The following PCDH15 variants were observed in gnomAD, a reference collection of about 807,000 sequenced individuals.
The protein encoded by PCDH15 is protocadherin related 15.
PCDH15 carries 129 observed loss-of-function variants against 178.5 expected under a neutral mutation model. The ratio of observed to expected loss-of-function variants is 0.72; its 90% CI spans 0.63 to 0.84. The LOEUF (loss-of-function observed/expected upper bound fraction) is 0.84. Ranked by LOEUF, PCDH15 falls within the 40% of genes least tolerant of loss-of-function variation. The pLI is 0.00. For synonymous variants in PCDH15, 800 were observed against 732.0 expected (o/e 1.09, Z -1.50); for missense variants, 2,230 against 2,099.9 (o/e 1.06, Z -1.21).
intron 1 of PCDH15, among the ~76,000 whole-genome samples, chr10:55,196,493 C>CT (rs1172378305): frequency 6.6e-6 from 1 of 151,866 alleles, no homozygotes; most frequent in Non-Finnish European, 1.5e-5. Context: ...AGTTCATGGC[C>CT]TAATGAATTC....
chr10:54,191,423 G>A (rs2048977400), intron 11 of PCDH15, among the ~76,000 whole-genome samples: 1 of 152,124 alleles, frequency 6.6e-6, no homozygotes, highest in Non-Finnish European at 1.5e-5. Flanking sequence ...AGATTTCAAA[G>A]CCTAGAACAT....
At position 54,995,322 on chromosome 10, in the gene PCDH15, G is replaced by A. The variant is rs528344328; in HGVS notation, c.-79-97822C>T. ...ACCCGGGAGTCGGAGTTTGCAGTGA[G>A]TAGAGATCGCATCACTGCACTCCAG... On this transcript the variant is annotated intron_variant, in intron 2 of 5. Coordinates refer to the PCDH15 transcript ENST00000458638. 3.8e-4 allele frequency among the ~76,000 whole-genome samples: 56 copies of A among 147,814 alleles called. 1 individual carries two copies. The highest frequency in any genetic ancestry group is 3.7e-3 in the Admixed American group (54 of 14,478).
At position 55,187,402 on chromosome 10, in the gene PCDH15, T is replaced by C. The variant is rs566634848; in HGVS notation, c.-155-20751A>G. ...AGCTCTCTTAGGAGTTGTATTCGAA[T>C]GTAAACTTTAAAAAGGTGAAAGTGT... On this transcript the variant is annotated intron_variant, in intron 1 of 5. Transcript: ENST00000458638. Among the ~76,000 whole-genome samples the C allele has an allele frequency of 1.1e-4, 17 of 152,124 alleles. No homozygotes were observed. In the South Asian group the frequency reaches 3.5e-3, roughly 31 times the overall value.
At chr10:55,223,402 T>C (rs1840939684) in intron 1 of PCDH15, among the ~76,000 whole-genome samples, 1 of 152,146 alleles carries the variant, frequency 6.6e-6, no homozygotes, top group African/African-American at 2.4e-5. Context: ...TGGTAATTAT[T>C]TTGGTTTGTT....
intron 2 of PCDH15, among the ~76,000 whole-genome samples, chr10:55,108,210 C>T (rs887916292): frequency 5.9e-5 from 9 of 152,238 alleles, no homozygotes; most frequent in Admixed American, 4.6e-4. Context: ...GTTGGTTAGG[C>T]TGCCCAGTCT....
intron 13 of PCDH15, among the ~76,000 whole-genome samples, chr10:54,172,762 A>C (rs1388501784): frequency 6.6e-6 from 1 of 152,184 alleles, no homozygotes; most frequent in Non-Finnish European, 1.5e-5. Context: ...TACACAATTT[A>C]CATGATTGTA....
intron 3 of PCDH15, among the ~76,000 whole-genome samples, chr10:54,517,400 G>A (rs1340432282): frequency 5.3e-5 from 8 of 152,182 alleles, no homozygotes; most frequent in African/African-American, 1.9e-4. Flanking sequence ...AAAACGGCAG[G>A]AGTTGCAATC....
At chr10:55,218,047 TCTTAG>T (rs1840758520) in intron 1 of PCDH15, among the ~76,000 whole-genome samples, 1 of 152,008 alleles carries the variant, frequency 6.6e-6, no homozygotes, top group Non-Finnish European at 1.5e-5. Flanking sequence ...CCTGACACTT[TCTTAG>T]CCATTGGGTT....
rs140597348 is a variant in PCDH15 at position 53,991,538 on chromosome 10, G to C, written c.2868+4111C>G. Reference sequence around the variant, plus strand: ...TCAAGGTTTGTAAACCCACCAATCAGTGCTCTGTGTCTAGCTCATCTAGTG... The same window carrying C: ...TCAAGGTTTGTAAACCCACCAATCACTGCTCTGTGTCTAGCTCATCTAGTG... On this transcript the variant is annotated intron_variant, in intron 21 of 37. Transcript: ENST00000644397. Among the ~76,000 whole-genome samples, 533 of 151,998 alleles carry C rather than the reference G, an allele frequency of 3.5e-3. 7 individuals are homozygous for C. Among genetic ancestry groups the C allele is most frequent in the African/African-American group, 0.013 (521 of 41,420 alleles).
chr10:54,374,540 A>T (rs554116606), intron 4 of PCDH15, among the ~76,000 whole-genome samples: 7 of 152,022 alleles, frequency 4.6e-5, no homozygotes, highest in Non-Finnish European at 1.0e-4. Flanking sequence ...ATCATTTAGC[A>T]TTTCAAAATT....
chr10:54,073,013 C>T lies in PCDH15; in HGVS notation c.2092-6128G>A, dbSNP rs149470955. Reference sequence around the variant, plus strand: ...AGATTACATCTATTCCCTACCTGTCCAAACACATATTTATACATTATTGTC... The same window carrying T: ...AGATTACATCTATTCCCTACCTGTCTAAACACATATTTATACATTATTGTC... On this transcript the variant is annotated intron_variant, in intron 17 of 37. Coordinates refer to ENST00000644397, the MANE Select transcript of PCDH15 (RefSeq NM_001384140.1). 2.0e-5 allele frequency among the ~76,000 whole-genome samples: 3 copies of T among 152,062 alleles called. No homozygotes were observed. The East Asian group carries it at 5.8e-4, about 29-fold the overall frequency.
At chr10:54,555,323 C>T (rs764252917) in intron 2 of PCDH15, among the ~76,000 whole-genome samples, 63 of 152,096 alleles carry the variant, frequency 4.1e-4, no homozygotes, top group Non-Finnish European at 8.2e-4. Context: ...TCTTTAACAT[C>T]GTTTGCTCAT....
At chr10:54,125,540 G>A (rs1287189916) in intron 15 of PCDH15, among the ~76,000 whole-genome samples, 1 of 152,192 alleles carries the variant, frequency 6.6e-6, no homozygotes, top group African/African-American at 2.4e-5. Flanking sequence ...TGAAGGGATT[G>A]TGGGCAAGTC....
At chr10:54,399,787 T>A (rs1951713389) in intron 3 of PCDH15, among the ~76,000 whole-genome samples, 2 of 152,114 alleles carry the variant, frequency 1.3e-5, no homozygotes, top group South Asian at 4.2e-4. Flanking sequence ...ACAGCAAAAG[T>A]TAGTGACCAG....
At chr10:54,153,737 T>C (rs888521200) in intron 13 of PCDH15, among the ~76,000 whole-genome samples, 2 of 152,164 alleles carry the variant, frequency 1.3e-5, no homozygotes, top group African/African-American at 4.8e-5. Flanking sequence ...CCAACCTTCC[T>C]TTTACTCTCA....
At chr10:54,482,354 T>A (rs1415286361) in intron 3 of PCDH15, among the ~76,000 whole-genome samples, 1 of 151,826 alleles carries the variant, frequency 6.6e-6, no homozygotes, top group African/African-American at 2.4e-5. Flanking sequence ...GAACAGATAT[T>A]ATATTCTGGA....
chr10:53,954,086 G>A (rs746889573), intron 23 of PCDH15, among the ~76,000 whole-genome samples: 15 of 152,126 alleles, frequency 9.9e-5, no homozygotes, highest in African/African-American at 2.2e-4. Context: ...AACTGCGCCC[G>A]GCTGTAAAGA....
intron 1 of PCDH15, among the ~76,000 whole-genome samples, chr10:55,181,132 A>G (rs1225130569): frequency 6.6e-6 from 1 of 152,034 alleles, no homozygotes; most frequent in Non-Finnish European, 1.5e-5. Flanking sequence ...TGAGGGAAAA[A>G]TCATTTCAGG....
At chr10:54,534,875 T>G (rs1017495855) in intron 2 of PCDH15, among the ~76,000 whole-genome samples, 4 of 152,224 alleles carry the variant, frequency 2.6e-5, no homozygotes, top group South Asian at 4.1e-4. Flanking sequence ...TATTTTACAT[T>G]TTGACTGCTT....
Sources: gnomAD v4.1 joint callset for allele counts (sites outside exome capture counted in the v4.1 genomes callset) on GRCh38, gnomAD v4.1.1 for gene constraint, MANE v1.5 for transcripts, NCBI Gene and HGNC (gene_info 2026-07-23, HGNC 2026-07-21) for gene names.